The following CERS4 variants were observed in gnomAD, a reference collection of about 807,000 sequenced individuals.
The protein encoded by CERS4 is LAG1 homolog, ceramide synthase 4.
In CERS4, 65 loss-of-function variants were observed where a neutral mutation model predicts 51.8. That is an observed-to-expected ratio of 1.26 (90% CI 1.03 to 1.54). The LOEUF is 1.54. CERS4 is among the 40% of genes most tolerant of loss of function. CERS4 has a pLI of 0.00. For synonymous variants in CERS4, 228 were observed against 208.4 expected (o/e 1.09, Z -0.81); for missense variants, 563 against 500.4 (o/e 1.13, Z -1.19).
intron 10 of CERS4, among the ~76,000 whole-genome samples, chr19:8,259,180 G>T (rs923818707): frequency 7.2e-5 from 11 of 152,160 alleles, no homozygotes; most frequent in Non-Finnish European, 1.3e-4. Context: ...GGGAGAGGTG[G>T]GTAGTTGGAA....
rs140150133 is a variant in CERS4 at position 8,247,766 on chromosome 19, C to T, written c.-1-3310C>T. Among the ~76,000 whole-genome samples, 390 of 137,036 alleles carry T rather than the reference C, an allele frequency of 2.8e-3. 5 individuals carry two copies. The highest frequency in any genetic ancestry group is 0.026 in the Admixed American group (320 of 12,256). 89.9% of individuals were successfully genotyped at this position (137,036 alleles called of 152,430 possible). A position where few individuals can be genotyped will look rare whatever the true frequency, so the allele number is the denominator to read the frequency against. On this transcript the variant is annotated intron_variant, in intron 2 of 11. Coordinates refer to ENST00000251363, the MANE Select transcript of CERS4 (RefSeq NM_024552.3). ...TTTTTTTTTTTAAGATGGAGTCTTG[C>T]TCTGTTGCCCAGTCTTGAGTGCAGT...
chr19:8,216,556 A>C (rs552707226), intron 2 of CERS4, among the ~76,000 whole-genome samples: 2 of 151,802 alleles, frequency 1.3e-5, no homozygotes, highest in Non-Finnish European at 2.9e-5. Flanking sequence ...TGGGCAGATC[A>C]CTTGAGCCCA....
intron 2 of CERS4, 106 bp from the exon 3 acceptor site, chr19:8,250,970 T>C (rs1969046622): frequency 1.3e-6 from 2 of 1,482,984 alleles, no homozygotes; most frequent in Non-Finnish European, 1.8e-6. Context: ...TCAACTGCGC[T>C]GATAGGGGCC....
In CERS4 at chr19:8,253,561, A is replaced by C. The variant is rs575782367; in HGVS notation, c.174-938A>C. The stretch of plus-strand genomic sequence containing the variant: ...TGCCAGCTCCGCCTCCTGGGTTCAC[A>C]CCATTCTCCTGCCTCAGCTCAGCCT... On this transcript the variant is annotated intron_variant, in intron 3 of 11. Coordinates refer to ENST00000251363, the MANE Select transcript of CERS4 (RefSeq NM_024552.3). Among the ~76,000 whole-genome samples the C allele has an allele frequency of 2.0e-5, 3 of 146,434 alleles. No homozygotes were observed. The South Asian group carries it at 6.4e-4, about 31-fold the overall frequency.
chr19:8,254,537 G>T lies in CERS4; in HGVS notation c.212G>T (p.Arg71Met). Residue 71 changes from arginine (R) to methionine (M), a missense_variant, in exon 4 of 12, where the codon AGG (arginine) becomes ATG (methionine). Coordinates refer to ENST00000251363, the MANE Select transcript of CERS4 (RefSeq NM_024552.3). ...GLPLSRWLGV[R>M]DQTRRQVKPN... ...CCCCTGAGCCGGTGGCTGGGTGTGA[G>T]GGATCAGACCAGGAGGCAAGTGAAG... 1 of 1,613,780 alleles carries T rather than the reference G, an allele frequency of 6.2e-7. No individual in the cohort carries two copies. The highest frequency in any genetic ancestry group is 1.3e-5 in the African/African-American group (1 of 75,040).
At chr19:8,259,369 G>A (rs1969559693) in intron 10 of CERS4, among the ~76,000 whole-genome samples, 1 of 152,166 alleles carries the variant, frequency 6.6e-6, no homozygotes, top group Non-Finnish European at 1.5e-5. Context: ...GGCCTGTGTG[G>A]CTGGAGCAGA....
At chr19:8,239,706 T>C (rs1301266104) in intron 2 of CERS4, 2 of 151,904 alleles carry the variant, frequency 1.3e-5, no homozygotes, top group Admixed American at 6.6e-5. Context: ...GTTTCCTTTA[T>C]GGGAATGTTT....
chr19:8,261,912 C>T lies in CERS4; in HGVS notation c.1006-18C>T, dbSNP rs1489003247. The T allele has an allele frequency of 3.1e-6, 5 of 1,610,198 alleles. No homozygotes were observed. In the Admixed American group the frequency reaches 6.7e-5, roughly 22 times the overall value. On this transcript the variant is annotated intron_variant, in intron 11 of 11. Transcript: ENST00000251363. ...CTTCCTCCCTGCTCTGAGCTCCATC[C>T]CTCTCTCTGTTCCCCAGATGGAGAA... is the stretch of plus-strand genomic sequence containing the variant.
Position 8,262,094 on chromosome 19 carries a change from C to T in CERS4, c.1170C>T (p.His390=), listed in dbSNP as rs751145645. 2.0e-6 allele frequency: 3 copies of T among 1,498,118 alleles called. No individual in the cohort carries two copies. Among genetic ancestry groups the T allele is most frequent in the Admixed American group, 4.9e-5 (2 of 40,508 alleles). 92.8% of individuals were successfully genotyped at this position (1,498,118 alleles called of 1,614,324 possible). ...SRVAGRLTNR[H]TTAT ...TGGCCGGGCGTCTGACCAACAGGCA[C>T]ACAACAGCCACATAGCCGGGCGGGG... Residue 390 remains histidine (H), a synonymous_variant, in exon 12 of 12, where the codon CAC becomes CAT. Transcript: ENST00000251363.
chr19:8,256,885 C>G, intron 8 of CERS4, 64 bp from the exon 9 acceptor site: 1 of 1,611,442 alleles, frequency 6.2e-7, no homozygotes, highest in South Asian at 1.1e-5. Flanking sequence ...ACTTCTTGGC[C>G]CATAGGGTGG....
At position 8,255,856 on chromosome 19, in the gene CERS4, G is replaced by A. The variant is rs760280128; in HGVS notation, c.445G>A (p.Gly149Ser). ...RFLFYLSSFV[G>S]GLSVLYHESW... ...TCTCTTCTACCTGTCCTCCTTCGTG[G>A]GCGGCCTCTCGGTCCTGTACCACGT... Residue 149 changes from glycine to serine, a missense_variant, in exon 6 of 12, where the codon GGC (glycine) becomes AGC (serine). By Grantham distance (56) the Gly-to-Ser change is moderately conservative (BLOSUM62 0). Coordinates refer to ENST00000251363, the MANE Select transcript of CERS4 (RefSeq NM_024552.3). 67 of 1,613,884 alleles carry A rather than the reference G, an allele frequency of 4.2e-5. 1 individual carries two copies. In the Admixed American group the frequency reaches 1.1e-3, roughly 25 times the overall value.
intron 2 of CERS4, among the ~76,000 whole-genome samples, chr19:8,228,175 G>A (rs62126392): frequency 0.046 from 6,993 of 151,834 alleles, 165 homozygotes; most frequent in South Asian, 0.058. Flanking sequence ...CTCACGATCC[G>A]TCCGCCTCGG....
intron 2 of CERS4, among the ~76,000 whole-genome samples, chr19:8,237,925 G>A (rs1052721393): frequency 4.6e-5 from 7 of 152,098 alleles, no homozygotes; most frequent in Admixed American, 6.6e-5. Context: ...TTATACCTCC[G>A]TAATGCTGTT....
At position 8,243,194 on chromosome 19, in the gene CERS4, T is replaced by TAA. The variant is rs56754017; in HGVS notation, c.-1-7854_-1-7853dup. On this transcript the variant is annotated intron_variant, in intron 2 of 11. Transcript: ENST00000251363. ...GGGTGACAAAGTGAGACCCTGTCTC[T>TAA]AAAAAAAAAAAAAAAAAAAAAAAAA... 2.2e-4 allele frequency among the ~76,000 whole-genome samples: 13 copies of TAA among 59,866 alleles called. 1 individual carries two copies. Among genetic ancestry groups the TAA allele is most frequent in the Middle Eastern group, 9.4e-3 (1 of 106 alleles). 39.3% of individuals were successfully genotyped at this position (59,866 alleles called of 152,430 possible). A position where few individuals can be genotyped will look rare whatever the true frequency, so the allele number is the denominator to read the frequency against.
intron 2 of CERS4, among the ~76,000 whole-genome samples, chr19:8,217,661 C>A (rs558248747): frequency 1.3e-5 from 2 of 151,946 alleles, no homozygotes; most frequent in Non-Finnish European, 2.9e-5. Flanking sequence ...CTCAGCCTCC[C>A]CAGTAGCTGG....
rs1368421118 is a variant in CERS4 at position 8,256,690 on chromosome 19, C to T, written c.592C>T (p.Pro198Ser). 1 of 1,613,756 alleles carries T rather than the reference C, an allele frequency of 6.2e-7. No individual in the cohort carries two copies. The highest frequency in any genetic ancestry group is 8.5e-7 in the Non-Finnish European group (1 of 1,179,848). ...GFYLSLLIRLPFDVKRKDFKE... is the reference protein window; with the variant it reads ...GFYLSLLIRLSFDVKRKDFKE... ...CTACCTCTCACTGCTAATCAGGCTG[C>T]CCTTTGATGTCAAGCGCAAGGTGAG... Residue 198 changes from proline to serine, a missense_variant, in exon 8 of 12, where the codon CCC (proline) becomes TCC (serine). Coordinates refer to ENST00000251363, the MANE Select transcript of CERS4 (RefSeq NM_024552.3).
chr19:8,253,245 G>A (rs1422734287), intron 3 of CERS4, among the ~76,000 whole-genome samples: 1 of 152,028 alleles, frequency 6.6e-6, no homozygotes, highest in Non-Finnish European at 1.5e-5. Flanking sequence ...GGGGGATGCT[G>A]GGAGGAGGGG....
chr19:8,248,752 TTTGGA>T (rs908263287), intron 2 of CERS4, among the ~76,000 whole-genome samples: 55 of 145,598 alleles, frequency 3.8e-4, no homozygotes, highest in African/African-American at 1.3e-3. Flanking sequence ...TGGACAGGTG[TTTGGA>T]TGGATGGATG....
chr19:8,251,087 G>A lies in CERS4; in HGVS notation c.11G>A (p.Ser4Asn). Residue 4 changes from serine to asparagine, a missense_variant, in exon 3 of 12, where the codon AGT becomes AAT. By Grantham distance (46) the Ser-to-Asn change is conservative. Transcript: ENST00000251363. MLS[S>N]FNEWFWQDRF... ...ACCTGTGTCCACAGAATGCTGTCCAGTTTCAACGAGTGGTTTTGGCAGGAC... is the reference window on the plus strand; with the variant it reads ...ACCTGTGTCCACAGAATGCTGTCCAATTTCAACGAGTGGTTTTGGCAGGAC... 6.2e-7 allele frequency: 1 copy of A among 1,602,778 alleles called. No individual in the cohort carries two copies. The highest frequency in any genetic ancestry group is 1.7e-5 in the Admixed American group (1 of 58,220).
Sources: gnomAD v4.1 joint callset for allele counts (sites outside exome capture counted in the v4.1 genomes callset) on GRCh38, gnomAD v4.1.1 for gene constraint, MANE v1.5 for transcripts, NCBI Gene and HGNC (gene_info 2026-07-23, HGNC 2026-07-21) for gene names.